ANO2: variants seen among roughly 807,000 people sequenced by gnomAD.
ANO2 encodes anoctamin 2.
In ANO2, 101 loss-of-function variants were observed where a neutral mutation model predicts 124.2. The ratio of observed to expected loss-of-function variants is 0.81; its 90% confidence interval spans 0.69 to 0.96. ANO2 has a LOEUF of 0.96. Among genes scored for constraint, ANO2 ranks in the 40% least tolerant of loss-of-function variants. ANO2 has a pLI of 0.00. For missense variants in ANO2, 1,293 were observed against 1,274.5 expected, an observed-to-expected ratio of 1.01 and a Z score of -0.22; for synonymous variants, 486 against 482.5, an observed-to-expected ratio of 1.01 and a Z score of -0.09.
intron 4 of ANO2, among the ~76,000 whole-genome samples, chr12:5,845,898 G>A (rs770660559): frequency 1.6e-4 from 24 of 152,178 alleles, no homozygotes; most frequent in East Asian, 9.6e-4. Flanking sequence ...AGGCTCTTAC[G>A]AAATGGTCTA....
intron 7 of ANO2, among the ~76,000 whole-genome samples, chr12:5,821,955 C>T (rs1953813162): frequency 6.6e-6 from 1 of 152,128 alleles, no homozygotes; most frequent in African/African-American, 2.4e-5. Flanking sequence ...CCAATGGTCT[C>T]GTGGGGAGCT....
chr12:5,920,811 G>A (rs904891656), intron 3 of ANO2, among the ~76,000 whole-genome samples: 1 of 152,058 alleles, frequency 6.6e-6, no homozygotes, highest in Non-Finnish European at 1.5e-5. Context: ...AGCTTGAAGT[G>A]AGCCAAGATC....
Position 5,572,407 on chromosome 12 carries a change from C to A in ANO2, c.2621+3427G>T, listed in dbSNP as rs1025548634. On this transcript the variant is annotated intron_variant, in intron 23 of 24. Coordinates refer to ENST00000682330, the MANE Select transcript of ANO2 (RefSeq NM_001364791.2). ...CAATGTGATTGTCTCCATGGCCATTCTTGTACTGTTCATTCTTCAGGTTTC... is the reference window on the plus strand; with the variant it reads ...CAATGTGATTGTCTCCATGGCCATTATTGTACTGTTCATTCTTCAGGTTTC... Among the ~76,000 whole-genome samples, 8 of 152,304 alleles carry A rather than the reference C, an allele frequency of 5.3e-5. 2 individuals carry two copies. Among genetic ancestry groups the A allele is most frequent in the Admixed American group, 5.2e-4 (8 of 15,290 alleles).
intron 4 of ANO2, among the ~76,000 whole-genome samples, chr12:5,853,098 T>C (rs1954966834): frequency 6.6e-6 from 1 of 151,832 alleles, no homozygotes; most frequent in African/African-American, 2.4e-5. Context: ...ATGCTTCCTT[T>C]CTCTTTGGAG....
chr12:5,681,729 T>C (rs1473805440), intron 14 of ANO2, among the ~76,000 whole-genome samples: 1 of 152,206 alleles, frequency 6.6e-6, no homozygotes, highest in Non-Finnish European at 1.5e-5. Context: ...TGGAGTCCAT[T>C]ACTACTCATA....
At chr12:5,919,774 T>C (rs1248785640) in intron 3 of ANO2, among the ~76,000 whole-genome samples, 2 of 151,970 alleles carry the variant, frequency 1.3e-5, no homozygotes, top group Admixed American at 6.5e-5. Context: ...CTCGGCTCAC[T>C]GCAAGCTCTG....
chr12:5,879,504 A>C (rs1314369920), intron 3 of ANO2, among the ~76,000 whole-genome samples: 1 of 152,238 alleles, frequency 6.6e-6, no homozygotes, highest in East Asian at 1.9e-4. Flanking sequence ...GACAAAAGAC[A>C]CTATTCTCAT....
At position 5,732,527 on chromosome 12, in the gene ANO2, C is replaced by A; in HGVS notation, c.1538G>T (p.Gly513Val). Residue 513 changes from glycine (G) to valine (V), a missense_variant, in exon 14 of 25, where the codon GGC becomes GTC. Coordinates refer to ENST00000682330, the MANE Select transcript of ANO2 (RefSeq NM_001364791.2). ...GCAAGTCCAGCTTCATACCTCATCGCCACACTCCGTCGTGTTTGTTTCCAA... is the reference window on the plus strand; with the variant it reads ...GCAAGTCCAGCTTCATACCTCATCGACACACTCCGTCGTGTTTGTTTCCAA... ...QKLETNTTEC[G>V]DEDDEDKLTW... 2.5e-6 allele frequency: 4 copies of A among 1,612,472 alleles called. No individual in the cohort carries two copies. The highest frequency in any genetic ancestry group is 3.4e-6 in the Non-Finnish European group (4 of 1,179,224).
At chr12:5,807,470 A>C (rs1953237546) in intron 7 of ANO2, 102 bp from the exon 8 acceptor site, 1 of 936,138 alleles carries the variant, frequency 1.1e-6, no homozygotes, top group Admixed American at 2.3e-5. Flanking sequence ...CCCCCAGTTG[A>C]GAATCACTGC....
intron 15 of ANO2, among the ~76,000 whole-genome samples, chr12:5,639,517 A>C (rs1033562263): frequency 9.2e-5 from 14 of 152,232 alleles, no homozygotes; most frequent in Admixed American, 9.2e-4. Context: ...GTGGAGACAA[A>C]GAAGGCAAAC....
Position 5,635,125 on chromosome 12 carries a change from C to T in ANO2, c.1816+27G>A. 3 of 1,536,124 alleles carry T rather than the reference C, an allele frequency of 2.0e-6. No homozygotes were observed. The highest frequency in any genetic ancestry group is 2.6e-6 in the Non-Finnish European group (3 of 1,147,844). On this transcript the variant is annotated intron_variant, in intron 16 of 24. Coordinates refer to ENST00000682330, the MANE Select transcript of ANO2 (RefSeq NM_001364791.2). The surrounding 1 kb of genome is among the most constrained non-coding windows in gnomAD (Gnocchi z 5.2). ...GCATTGACTTAAAGAGGGCCTAGGA[C>T]AGCCAGAAGTCTCGGTGACACAGTA...
chr12:5,694,220 T>G (rs1324077640), intron 14 of ANO2, among the ~76,000 whole-genome samples: 1 of 146,664 alleles, frequency 6.8e-6, no homozygotes, highest in African/African-American at 2.6e-5. Context: ...GATCTCTGCT[T>G]CAGTTCCTTA....
At chr12:5,823,036 C>A (rs1282668630) in intron 7 of ANO2, among the ~76,000 whole-genome samples, 1 of 152,144 alleles carries the variant, frequency 6.6e-6, no homozygotes, top group African/African-American at 2.4e-5. Flanking sequence ...AATTACCCAC[C>A]CTGTGTCCCT....
chr12:5,637,487 GTTC>G (rs1946086288), intron 15 of ANO2, among the ~76,000 whole-genome samples: 3 of 152,024 alleles, frequency 2.0e-5, no homozygotes, highest in African/African-American at 4.8e-5. Flanking sequence ...ATCAGCTTCT[GTTC>G]TTCTCTAAGA....
intron 6 of ANO2, among the ~76,000 whole-genome samples, chr12:5,828,283 G>A (rs1404736958): frequency 6.6e-6 from 1 of 152,104 alleles, no homozygotes; most frequent in African/African-American, 2.4e-5. Flanking sequence ...CCAGCCTGGA[G>A]CCCGGCTGAC....
chr12:5,610,729 T>TACATATATATACATATATACATATATAC (rs1481490622), intron 19 of ANO2, among the ~76,000 whole-genome samples: 1 of 134,660 alleles, frequency 7.4e-6, no homozygotes, highest in Non-Finnish European at 1.6e-5. Context: ...TATACATATA[T>TACATATATATACATATATACATATATAC]ATATATATAT....
intron 14 of ANO2, among the ~76,000 whole-genome samples, chr12:5,682,903 G>A (rs1027746423): frequency 3.9e-5 from 6 of 152,182 alleles, no homozygotes; most frequent in African/African-American, 9.7e-5. Context: ...GGAAGCAGAC[G>A]GAAGGACAAG....
chr12:5,850,219 C>G (rs1406503513), intron 4 of ANO2, among the ~76,000 whole-genome samples: 1 of 151,724 alleles, frequency 6.6e-6, no homozygotes, highest in Non-Finnish European at 1.5e-5. Flanking sequence ...AGTTCGAGAC[C>G]AGCCTGGCCA....
In ANO2 at chr12:5,562,865, C is replaced by T. The variant is rs1301174476; in HGVS notation, c.*434G>A. 7 of 175,350 alleles carry T rather than the reference C, an allele frequency of 4.0e-5. No homozygotes were observed. Among genetic ancestry groups the T allele is most frequent in the Non-Finnish European group, 7.4e-5 (6 of 80,932 alleles). The allele number at this position is 175,350 out of a possible 1,614,324, so 10.9% of individuals were successfully genotyped here. A position where few individuals can be genotyped will look rare whatever the true frequency, so the allele number is the denominator to read the frequency against. On this transcript the variant is annotated 3_prime_UTR_variant, in exon 25 of 25. Transcript: ENST00000682330. ...TGCTGAGACTGTGGCAGCCCCACTG[C>T]AAGTGACTCAGTTTTCTTGTAGTGA...
Sources: gnomAD v4.1 joint callset for allele counts (sites outside exome capture counted in the v4.1 genomes callset) on GRCh38, gnomAD v4.1.1 for gene constraint, Gnocchi (gnomAD v3.1) non-coding constraint, MANE v1.5 for transcripts, NCBI Gene and HGNC (gene_info 2026-07-23, HGNC 2026-07-21) for gene names.